Variants in LRRC4C observed in about 807,000 individuals in gnomAD.
LRRC4C encodes the protein leucine rich repeat containing 4C.
Under a neutral mutation model 33.6 loss-of-function variants are expected in LRRC4C, and 5 were observed. The observed-to-expected ratio is 0.15, with a 90% confidence interval of 0.08 to 0.31. The LOEUF (loss-of-function observed/expected upper bound fraction) is 0.31. LRRC4C is among the 10% of genes least tolerant of loss of function. The probability of loss-of-function intolerance (pLI) is 1.00; values close to 1 mark genes in which losing one functional copy is unlikely to be tolerated. For missense variants in LRRC4C, 560 were observed against 796.7 expected (o/e 0.70, Z 3.58); for synonymous variants, 329 against 302.0 (o/e 1.09, Z -0.93).
At chr11:41,349,806 C>CT (rs1339501823) in intron 1 of LRRC4C, among the ~76,000 whole-genome samples, 2 of 152,020 alleles carry the variant, frequency 1.3e-5, no homozygotes, top group South Asian at 2.1e-4. Flanking sequence ...AGCAATGATT[C>CT]TTTTTTTTCT....
chr11:41,236,871 G>T (rs898564674), intron 1 of LRRC4C, among the ~76,000 whole-genome samples: 40 of 152,178 alleles, frequency 2.6e-4, no homozygotes, highest in African/African-American at 8.9e-4. Context: ...ATGAATCATT[G>T]TAGTCTAGCT....
At chr11:40,965,385 T>A (rs1401360801) in intron 1 of LRRC4C, among the ~76,000 whole-genome samples, 1 of 152,172 alleles carries the variant, frequency 6.6e-6, no homozygotes, top group Non-Finnish European at 1.5e-5. Flanking sequence ...AGGTCCCATT[T>A]GTCAATTTTG....
chr11:41,410,760 A>G (rs1954444379), intron 1 of LRRC4C, among the ~76,000 whole-genome samples: 1 of 152,056 alleles, frequency 6.6e-6, no homozygotes, highest in Non-Finnish European at 1.5e-5. Context: ...TTTTTATGGA[A>G]CAACACCCGT....
intron 3 of LRRC4C, among the ~76,000 whole-genome samples, chr11:40,619,172 T>C (rs935093096): frequency 5.3e-5 from 8 of 151,718 alleles, no homozygotes; most frequent in Admixed American, 1.3e-4. Context: ...AGATGGTTAA[T>C]TGGTACAACA....
chr11:40,790,849 T>A (rs1010827927), intron 2 of LRRC4C, among the ~76,000 whole-genome samples: 1 of 152,202 alleles, frequency 6.6e-6, no homozygotes, highest in Non-Finnish European at 1.5e-5. Context: ...AAATTAATCA[T>A]AATGGATCTT....
In LRRC4C at chr11:41,111,511, A is replaced by G. The variant is rs1442139859; in HGVS notation, c.-495-177788T>C. Among the ~76,000 whole-genome samples the G allele has an allele frequency of 2.0e-5, 3 of 152,174 alleles. No individual in the cohort carries two copies. In the East Asian group the frequency reaches 5.8e-4, roughly 30 times the overall value. ...AGATTTTAATTTATTCTATGAAAAT[A>G]CAATTTGTTTTTCAGTATTTGGCAA... On this transcript the variant is annotated intron_variant, in intron 1 of 6. Transcript: ENST00000528697.
chr11:41,379,973 T>C (rs1953082388), intron 1 of LRRC4C, among the ~76,000 whole-genome samples: 1 of 151,782 alleles, frequency 6.6e-6, no homozygotes, highest in Admixed American at 6.6e-5. Context: ...CACACACACA[T>C]GCATGCACAC....
chr11:40,977,811 C>T (rs544979810), intron 1 of LRRC4C, among the ~76,000 whole-genome samples: 1 of 152,300 alleles, frequency 6.6e-6, no homozygotes, highest in East Asian at 1.9e-4. Context: ...TAGTGCTAAT[C>T]ATTTCAATCA....
At chr11:40,298,979 A>G (rs947892853) in intron 4 of LRRC4C, among the ~76,000 whole-genome samples, 2 of 152,208 alleles carry the variant, frequency 1.3e-5, no homozygotes, top group African/African-American at 4.8e-5. Context: ...ATTACAATTC[A>G]AGATGAGATT....
intron 3 of LRRC4C, among the ~76,000 whole-genome samples, chr11:40,595,491 T>C (rs1591222457): frequency 6.6e-6 from 1 of 152,056 alleles, no homozygotes; most frequent in Non-Finnish European, 1.5e-5. Context: ...GGAACCAGCA[T>C]GTACACATTT....
chr11:40,746,259 G>A (rs566407336), intron 2 of LRRC4C, among the ~76,000 whole-genome samples: 4 of 152,194 alleles, frequency 2.6e-5, no homozygotes, highest in Non-Finnish European at 4.4e-5. Flanking sequence ...CAACGGCACC[G>A]CTTCAGGAAA....
rs368272381 is a variant in LRRC4C at position 40,123,971 on chromosome 11, A to G, written c.-42-7637T>C. The stretch of plus-strand genomic sequence containing the variant: ...TGAACTCATTTTTGACAAAGGTGCC[A>G]AGAACATACACTGGAGAAAGGACAG... On this transcript the variant is annotated intron_variant, in intron 6 of 6. Coordinates refer to ENST00000528697, the MANE Select transcript of LRRC4C (RefSeq NM_001258419.2). 3.3e-4 allele frequency among the ~76,000 whole-genome samples: 50 copies of G among 152,296 alleles called. No homozygotes were observed. In the East Asian group the frequency reaches 9.1e-3, roughly 28 times the overall value.
In LRRC4C at chr11:40,137,925, G is replaced by T. The variant is rs974885210; in HGVS notation, c.-43+2876C>A. Reference sequence around the variant, plus strand: ...CCAAAACAAATCAGAAAAGTGAGGGGAGGAAAGGAGACCAAGAGACCAAAA... The same window carrying T: ...CCAAAACAAATCAGAAAAGTGAGGGTAGGAAAGGAGACCAAGAGACCAAAA... On this transcript the variant is annotated intron_variant, in intron 6 of 6. Transcript: ENST00000528697. 4.4e-4 allele frequency among the ~76,000 whole-genome samples: 67 copies of T among 152,138 alleles called. 1 individual carries two copies. The highest frequency in any genetic ancestry group is 2.1e-4 in the Non-Finnish European group (14 of 68,030).
intron 1 of LRRC4C, among the ~76,000 whole-genome samples, chr11:41,397,200 T>C (rs1208748556): frequency 6.6e-6 from 1 of 151,922 alleles, no homozygotes; most frequent in Non-Finnish European, 1.5e-5. Flanking sequence ...ACTGTGCAGG[T>C]CCACTTATAC....
intron 2 of LRRC4C, among the ~76,000 whole-genome samples, chr11:40,742,595 T>A (rs1301066425): frequency 6.6e-6 from 1 of 152,022 alleles, no homozygotes; most frequent in Non-Finnish European, 1.5e-5. Flanking sequence ...AAGAAAACGA[T>A]CATTTGCCAT....
At chr11:40,662,880 A>G (rs941983492) in intron 2 of LRRC4C, among the ~76,000 whole-genome samples, 1 of 152,240 alleles carries the variant, frequency 6.6e-6, no homozygotes, top group African/African-American at 2.4e-5. Context: ...TAAAGTAGCT[A>G]TCACAGGATA....
chr11:40,930,575 G>C (rs1443405067), intron 2 of LRRC4C, among the ~76,000 whole-genome samples: 1 of 152,144 alleles, frequency 6.6e-6, no homozygotes, highest in South Asian at 2.1e-4. Flanking sequence ...AAACCACATA[G>C]TCATTCAACT....
At chr11:40,358,650 T>C (rs577777919) in intron 3 of LRRC4C, among the ~76,000 whole-genome samples, 2 of 152,164 alleles carry the variant, frequency 1.3e-5, no homozygotes, top group Admixed American at 6.6e-5. Context: ...ACTGCCATGG[T>C]GCCACAGGTT....
chr11:41,379,375 T>C (rs2137871645), intron 1 of LRRC4C, among the ~76,000 whole-genome samples: 1 of 152,114 alleles, frequency 6.6e-6, no homozygotes, highest in South Asian at 2.1e-4. Context: ...AATCACAGAG[T>C]GAGTGGTAGA....
Sources: allele counts gnomAD v4.1 joint callset (sites outside exome capture counted in the v4.1 genomes callset), GRCh38; gene constraint gnomAD v4.1.1; transcripts MANE v1.5; gene names NCBI Gene and HGNC (gene_info 2026-07-23, HGNC 2026-07-21).